Variants in VXN observed in about 807,000 individuals in gnomAD.
VXN encodes the protein uncharacterized protein C8orf46.
VXN carries 7 observed loss-of-function variants against 23.1 expected under a neutral mutation model. The observed-to-expected ratio is 0.30, with a 90% CI of 0.17 to 0.57. VXN has a LOEUF of 0.57. Ranked by LOEUF, VXN falls within the 20% of genes least tolerant of loss-of-function variation. The probability of loss-of-function intolerance (pLI) is 0.91; values close to 1 mark genes in which losing one functional copy is unlikely to be tolerated. For missense variants in VXN, 238 were observed against 272.6 expected (o/e 0.87, Z 0.89); for synonymous variants, 120 against 105.8 (o/e 1.13, Z -0.83).
At chr8:66,497,171 C>T (rs933936156) in intron 2 of VXN, among the ~76,000 whole-genome samples, 2 of 152,220 alleles carry the variant, frequency 1.3e-5, no homozygotes, top group African/African-American at 4.8e-5. Flanking sequence ...GCATGAGCCA[C>T]TGCACCTGGC....
chr8:66,494,936 G>A (rs1340006757), intron 1 of VXN: 1 of 152,170 alleles, frequency 6.6e-6, no homozygotes, highest in Non-Finnish European at 1.5e-5. Flanking sequence ...AATGTCAACA[G>A]GAATAAACTA....
chr8:66,509,200 G>T (rs117249241), intron 3 of VXN, among the ~76,000 whole-genome samples: 176 of 152,262 alleles, frequency 1.2e-3, no homozygotes, highest in Non-Finnish European at 2.3e-3. Context: ...TGTGGAAGGG[G>T]AGTTATTTCT....
At position 66,517,235 on chromosome 8, in the gene VXN, CAAT is replaced by C. The variant is rs1807908079; in HGVS notation, c.*1162_*1164del. On this transcript the variant is annotated 3_prime_UTR_variant, in exon 6 of 6. Coordinates refer to ENST00000305454, the MANE Select transcript of VXN (RefSeq NM_152765.4). ...ATTGTCAACATTAGTAGCCTTAAAA[CAAT>C]AACATAATAATAATGATGATAATGA... 1 of 152,124 alleles carries C rather than the reference CAAT, an allele frequency of 6.6e-6. No individual in the cohort carries two copies. Among genetic ancestry groups the C allele is most frequent in the African/African-American group, 2.4e-5 (1 of 41,422 alleles). 9.4% of individuals were successfully genotyped at this position (152,124 alleles called of 1,614,324 possible). A position where few individuals can be genotyped will look rare whatever the true frequency, so the allele number is the denominator to read the frequency against.
chr8:66,510,052 C>A, intron 3 of VXN, 44 bp from the exon 4 acceptor site: 1 of 1,556,854 alleles, frequency 6.4e-7, no homozygotes, highest in Non-Finnish European at 8.9e-7. Flanking sequence ...GGAGGCAGAA[C>A]ACAGAGTACC....
intron 5 of VXN, 151 bp downstream of exon 5, chr8:66,513,788 A>G (rs757835581): frequency 1.7e-6 from 1 of 603,804 alleles, no homozygotes; most frequent in East Asian, 2.8e-5. Context: ...AATGAGGCCA[A>G]TAATCCTGGG....
intron 3 of VXN, among the ~76,000 whole-genome samples, chr8:66,509,395 A>C (rs1807795776): frequency 6.6e-6 from 1 of 152,224 alleles, no homozygotes; most frequent in Non-Finnish European, 1.5e-5. Context: ...GGCATTAGAA[A>C]GAAGGTTCTC....
intron 4 of VXN, among the ~76,000 whole-genome samples, chr8:66,510,947 C>G (rs1403431751): frequency 1.3e-5 from 2 of 152,158 alleles, no homozygotes; most frequent in Non-Finnish European, 2.9e-5. Flanking sequence ...CAAGCATTAC[C>G]CACTCAGACT....
At position 66,514,001 on chromosome 8, in the gene VXN, A is replaced by T. The variant is rs62512589; in HGVS notation, c.440+364A>T. On this transcript the variant is annotated intron_variant, in intron 5 of 5. Transcript: ENST00000305454. ...GAAATATCTCATGAGTAAGTTCAAG[A>T]TCCCCTGCCCACCGGTTAAGAAGTG... The T allele has an allele frequency of 3.8e-3, 753 of 198,450 alleles. 2 individuals are homozygous for T. The highest frequency in any genetic ancestry group is 5.3e-3 in the Admixed American group (85 of 16,164). 12.3% of individuals were successfully genotyped at this position (198,450 alleles called of 1,614,324 possible). A position where few individuals can be genotyped will look rare whatever the true frequency, so the allele number is the denominator to read the frequency against.
At chr8:66,510,673 C>T (rs940915416) in intron 4 of VXN, among the ~76,000 whole-genome samples, 1 of 152,188 alleles carries the variant, frequency 6.6e-6, no homozygotes, top group African/African-American at 2.4e-5. Context: ...GATCAAGGTG[C>T]CAGCAGATTC....
intron 5 of VXN, 135 bp downstream of exon 5, chr8:66,513,772 TC>T: frequency 1.6e-6 from 1 of 632,792 alleles, no homozygotes; most frequent in Non-Finnish European, 2.8e-6. Flanking sequence ...CTGCAAATTA[TC>T]TTTTAATGAG....
At chr8:66,513,455 TC>T in intron 4 of VXN, 84 bp from the exon 5 acceptor site, 1 of 1,093,016 alleles carries the variant, frequency 9.1e-7, no homozygotes, top group East Asian at 2.3e-5. Flanking sequence ...TTCCATTCAG[TC>T]CCCCCACTTG....
At chr8:66,501,431 C>T (rs1807691049) in intron 2 of VXN, 1 of 152,098 alleles carries the variant, frequency 6.6e-6, no homozygotes, top group Non-Finnish European at 1.5e-5. Context: ...AAACTCAATC[C>T]CAAAGTCTAG....
Position 66,516,165 on chromosome 8 carries a change from T to C in VXN, c.*89T>C. 2 of 1,222,328 alleles carry C rather than the reference T, an allele frequency of 1.6e-6. No homozygotes were observed. The highest frequency in any genetic ancestry group is 1.6e-5 in the South Asian group (1 of 64,194). The allele number at this position is 1,222,328 out of a possible 1,614,324, so 75.7% of individuals were successfully genotyped here. ...GGATTGAAACTGAGCCACACGCACC[T>C]CTGCTAGTAGCTGGTCCAAACCCAT... On this transcript the variant is annotated 3_prime_UTR_variant, in exon 6 of 6. Coordinates refer to ENST00000305454, the MANE Select transcript of VXN (RefSeq NM_152765.4).
rs993779334 is a variant in VXN, at chr8:66,510,376, G to C, written c.342+219G>C. The stretch of plus-strand genomic sequence containing the variant: ...CTGGCTGCTTCTCTCTTTCTTGTGA[G>C]AAATTCCGCTCTTAGGCAAACAAAA... On this transcript the variant is annotated intron_variant, in intron 4 of 5. Transcript: ENST00000305454. 3 of 499,796 alleles carry C rather than the reference G, an allele frequency of 6.0e-6. No individual in the cohort carries two copies. The East Asian group carries it at 1.1e-4, about 18-fold the overall frequency. 31.0% of individuals were successfully genotyped at this position (499,796 alleles called of 1,614,324 possible).
intron 3 of VXN, among the ~76,000 whole-genome samples, chr8:66,508,648 G>A (rs1807786649): frequency 2.6e-5 from 4 of 152,112 alleles, no homozygotes; most frequent in Admixed American, 2.6e-4. Flanking sequence ...CTCCTAGCCG[G>A]GGTAGAGGGT....
chr8:66,494,763 T>A (rs1046286064), intron 1 of VXN: 1 of 152,178 alleles, frequency 6.6e-6, no homozygotes, highest in Non-Finnish European at 1.5e-5. Context: ...AAAGTCCAAG[T>A]TGACCCTCGG....
At chr8:66,496,115 G>A (rs923441076) in intron 1 of VXN, among the ~76,000 whole-genome samples, 1 of 152,198 alleles carries the variant, frequency 6.6e-6, no homozygotes, top group Non-Finnish European at 1.5e-5. Context: ...GTTCATCCAT[G>A]TGTGGCATGT....
At chr8:66,512,863 G>A (rs1442215467) in intron 4 of VXN, among the ~76,000 whole-genome samples, 2 of 151,770 alleles carry the variant, frequency 1.3e-5, no homozygotes, top group East Asian at 2.0e-4. Context: ...ACTGACACAC[G>A]GGACCAATGG....
chr8:66,513,444 G>T (rs1807848084), intron 4 of VXN, 96 bp from the exon 5 acceptor site: 2 of 1,000,804 alleles, frequency 2.0e-6, no homozygotes, highest in Non-Finnish European at 1.6e-6. Context: ...GGCGGTGGTG[G>T]TTCCATTCAG....
Sources: gnomAD v4.1 joint callset for allele counts (sites outside exome capture counted in the v4.1 genomes callset) on GRCh38, gnomAD v4.1.1 for gene constraint, MANE v1.5 for transcripts, NCBI Gene and HGNC (gene_info 2026-07-23, HGNC 2026-07-21) for gene names.